DNAJC16: variants seen among roughly 807,000 people sequenced by gnomAD.
The protein encoded by DNAJC16 is DnaJ heat shock protein family (Hsp40) member C16.
In DNAJC16, 76 loss-of-function variants were observed where a neutral mutation model predicts 92.7. The observed-to-expected ratio is 0.82, with a 90% CI of 0.68 to 0.99. The LOEUF is 0.99. Ranked by LOEUF, DNAJC16 falls within the 50% of genes least tolerant of loss-of-function variation. DNAJC16 has a pLI of 0.00. For missense variants in DNAJC16, 869 were observed against 942.4 expected (o/e 0.92, Z 1.02); for synonymous variants, 328 against 358.7 (o/e 0.91, Z 0.97).
intron 7 of DNAJC16, among the ~76,000 whole-genome samples, chr1:15,554,809 A>G (rs1475567818): frequency 6.6e-6 from 1 of 152,120 alleles, no homozygotes; most frequent in African/African-American, 2.4e-5. Flanking sequence ...CGGCTTTTAG[A>G]AGCTCTGAGA....
chr1:15,555,254 G>A (rs925643880), intron 7 of DNAJC16, among the ~76,000 whole-genome samples: 21 of 151,354 alleles, frequency 1.4e-4, no homozygotes, highest in Non-Finnish European at 2.9e-4. Flanking sequence ...AGGTGTGGCA[G>A]CATGCTCCTG....
At chr1:15,544,375 AT>A (rs1323110679) in intron 4 of DNAJC16, 23 bp from the exon 5 acceptor site, 2 of 1,590,138 alleles carry the variant, frequency 1.3e-6, no homozygotes, top group South Asian at 2.2e-5. Context: ...AAAAGGCTTC[AT>A]TTGGATCTTC....
chr1:15,536,931 A>G (rs993048276), intron 4 of DNAJC16, 117 bp downstream of exon 4: 4 of 823,748 alleles, frequency 4.9e-6, no homozygotes, highest in South Asian at 2.1e-5. Flanking sequence ...GCTCACTGCA[A>G]CCTCCACCTC....
rs1638803513 is a variant in DNAJC16 at position 15,566,192 on chromosome 1, A to G, written c.1778+12A>G. On this transcript the variant is annotated intron_variant, in intron 13 of 14. Transcript: ENST00000375847. ...AAAGAAAACAGCAGGTTTCTCTAAC[A>G]AAACACCAGACTCACCTCCCCGGCA... 8 of 1,609,712 alleles carry G rather than the reference A, an allele frequency of 5.0e-6. No homozygotes were observed. The highest frequency in any genetic ancestry group is 1.1e-5 in the South Asian group (1 of 90,982).
chr1:15,568,596 G>C lies in DNAJC16; in HGVS notation c.*419G>C. On this transcript the variant is annotated 3_prime_UTR_variant, in exon 15 of 15. Transcript: ENST00000375847. ...GTCATTGGCCCCTTCCCCAATCCCG[G>C]CCCTGCTGTGCTGCTGCCATGGCGC... is the stretch of plus-strand genomic sequence containing the variant. 2.5e-6 allele frequency: 1 copy of C among 406,646 alleles called. No individual in the cohort carries two copies. The highest frequency in any genetic ancestry group is 3.5e-5 in the East Asian group (1 of 28,476). 25.2% of individuals were successfully genotyped at this position (406,646 alleles called of 1,614,324 possible).
At chr1:15,554,438 C>T (rs965046253) in intron 7 of DNAJC16, among the ~76,000 whole-genome samples, 1 of 151,976 alleles carries the variant, frequency 6.6e-6, no homozygotes, top group African/African-American at 2.4e-5. Flanking sequence ...ATATACTTCC[C>T]CTACATCAAA....
At position 15,555,220 on chromosome 1, in the gene DNAJC16, C is replaced by CA. The variant is rs950738509; in HGVS notation, c.1024-4297dup. Among the ~76,000 whole-genome samples, 18 of 139,712 alleles carry CA rather than the reference C, an allele frequency of 1.3e-4. 1 individual carries two copies. Among genetic ancestry groups the CA allele is most frequent in the South Asian group, 2.3e-4 (1 of 4,350 alleles). The allele number at this position is 139,712 out of a possible 152,430, so 91.7% of individuals were successfully genotyped here. ...GTAAAACCCCGTCTCTACTAAAATACAAAAAAAAAGAAAAAAAAAAGCCAG... is the reference window on the plus strand; with the variant it reads ...GTAAAACCCCGTCTCTACTAAAATACAAAAAAAAAAGAAAAAAAAAAGCCAG... On this transcript the variant is annotated intron_variant, in intron 7 of 14. Transcript: ENST00000375847.
At chr1:15,543,784 A>C (rs776104148) in intron 4 of DNAJC16, among the ~76,000 whole-genome samples, 19 of 152,194 alleles carry the variant, frequency 1.2e-4, no homozygotes, top group Admixed American at 1.3e-4. Flanking sequence ...AGAGAAAACC[A>C]ACAAGACTTG....
chr1:15,571,298 AAAG>A lies in DNAJC16; in HGVS notation c.*3125_*3127del, dbSNP rs1219801206. 6.6e-6 allele frequency: 1 copy of A among 152,308 alleles called. No individual in the cohort carries two copies. The highest frequency in any genetic ancestry group is 1.5e-5 in the Non-Finnish European group (1 of 68,042). 9.4% of individuals were successfully genotyped at this position (152,308 alleles called of 1,614,324 possible). On this transcript the variant is annotated 3_prime_UTR_variant, in exon 15 of 15. Transcript: ENST00000375847. Reference sequence around the variant, plus strand: ...TTACATAAATATTTTTCTGTTATAAAAAGAAGTGTGATCTGTTTTTTTAGTGAT... The same window carrying A: ...TTACATAAATATTTTTCTGTTATAAAAAGTGTGATCTGTTTTTTTAGTGAT...
intron 4 of DNAJC16, among the ~76,000 whole-genome samples, chr1:15,543,943 T>A (rs1055198610): frequency 3.9e-5 from 6 of 151,938 alleles, no homozygotes; most frequent in South Asian, 4.1e-4. Context: ...AGATTAGGGG[T>A]TCGTTTTTGG....
chr1:15,535,273 T>G (rs1448280108), intron 3 of DNAJC16, among the ~76,000 whole-genome samples: 1 of 152,254 alleles, frequency 6.6e-6, no homozygotes, highest in Non-Finnish European at 1.5e-5. Context: ...CATTGAGCCC[T>G]GGTGATCAAC....
At chr1:15,565,805 T>C (rs1176979793) in intron 11 of DNAJC16, 114 bp from the exon 12 acceptor site, 7 of 998,194 alleles carry the variant, frequency 7.0e-6, no homozygotes, top group Non-Finnish European at 1.1e-5. Context: ...TGCCTGAAAT[T>C]AGTAAGCGTT....
rs574852731 is a variant in DNAJC16 at position 15,570,080 on chromosome 1, G to A, written c.*1903G>A. The A allele has an allele frequency of 9.2e-5, 14 of 152,720 alleles. No individual in the cohort carries two copies. In the East Asian group the frequency reaches 2.5e-3, roughly 27 times the overall value. 9.5% of individuals were successfully genotyped at this position (152,720 alleles called of 1,614,324 possible). On this transcript the variant is annotated 3_prime_UTR_variant, in exon 15 of 15. Transcript: ENST00000375847. Reference sequence around the variant, plus strand: ...AATTCCTGTAGTTTTCATGGAGTCTGTAGCTTTATTAAAAAATAAATCACT... The same window carrying A: ...AATTCCTGTAGTTTTCATGGAGTCTATAGCTTTATTAAAAAATAAATCACT...
intron 6 of DNAJC16, among the ~76,000 whole-genome samples, chr1:15,547,629 A>G (rs979533546): frequency 1.3e-5 from 2 of 151,526 alleles, no homozygotes; most frequent in Non-Finnish European, 1.5e-5. Flanking sequence ...TTTAGTGGAG[A>G]TGGGGTTTCA....
intron 2 of DNAJC16, among the ~76,000 whole-genome samples, chr1:15,533,607 A>G (rs1710710820): frequency 1.3e-5 from 2 of 152,200 alleles, no homozygotes; most frequent in Non-Finnish European, 2.9e-5. Context: ...CAGTCTGGGC[A>G]ACAGAGTGAG....
intron 4 of DNAJC16, 125 bp downstream of exon 4, chr1:15,536,939 C>G: frequency 1.3e-6 from 1 of 769,610 alleles, no homozygotes; most frequent in East Asian, 2.9e-5. Flanking sequence ...CAACCTCCAC[C>G]TCCCGGGTTC....
At chr1:15,543,245 G>T (rs1441006815) in intron 4 of DNAJC16, among the ~76,000 whole-genome samples, 1 of 152,234 alleles carries the variant, frequency 6.6e-6, no homozygotes, top group Non-Finnish European at 1.5e-5. Flanking sequence ...TGAGCAGGTT[G>T]TGTGTGGACC....
chr1:15,564,222 G>A, intron 10 of DNAJC16, 61 bp from the exon 11 acceptor site: 1 of 1,541,546 alleles, frequency 6.5e-7, no homozygotes, highest in East Asian at 2.2e-5. Flanking sequence ...TGTGTTGCAG[G>A]GTAGAGGGAC....
rs780231375 is a variant in DNAJC16 at position 15,568,120 on chromosome 1, C to G, written c.2292C>G (p.Arg764=). Residue 764 remains arginine (R), a synonymous_variant, in exon 15 of 15, where the codon CGC becomes CGG. Coordinates refer to ENST00000375847, the MANE Select transcript of DNAJC16 (RefSeq NM_015291.4). Reference sequence around the variant, plus strand: ...GCAAGCTCTCTTTATGGATGGAACGCCTGCTGGAGGGCTCCTTACAGAGGT... The same window carrying G: ...GCAAGCTCTCTTTATGGATGGAACGGCTGCTGGAGGGCTCCTTACAGAGGT... ...KLSKLSLWME[R]LLEGSLQRFY... is the part of the protein sequence containing the mutation. 8 of 1,613,958 alleles carry G rather than the reference C, an allele frequency of 5.0e-6. No homozygotes were observed. The highest frequency in any genetic ancestry group is 6.8e-6 in the Non-Finnish European group (8 of 1,180,020).
Sources: allele counts gnomAD v4.1 joint callset (sites outside exome capture counted in the v4.1 genomes callset), GRCh38; gene constraint gnomAD v4.1.1; transcripts MANE v1.5; gene names NCBI Gene and HGNC (gene_info 2026-07-23, HGNC 2026-07-21).